Variants in ATAD3B observed in about 807,000 individuals in gnomAD.
ATAD3B encodes the protein ATPase family AAA domain containing 3B.
In ATAD3B, 59 loss-of-function variants were observed where a neutral mutation model predicts 70.2. That is an observed-to-expected ratio of 0.84 (90% confidence interval 0.68 to 1.04). The LOEUF is 1.04. Ranked by LOEUF, ATAD3B falls within the 50% of genes least tolerant of loss-of-function variation. The probability of loss-of-function intolerance (pLI) is 0.00; values close to 1 mark genes in which losing one functional copy is unlikely to be tolerated. For synonymous variants in ATAD3B, 423 were observed against 388.6 expected (o/e 1.09, Z -1.04); for missense variants, 961 against 913.4 (o/e 1.05, Z -0.67).
intron 15 of ATAD3B, among the ~76,000 whole-genome samples, chr1:1,493,410 C>T (rs1188359930): frequency 1.3e-5 from 2 of 151,876 alleles, no homozygotes; most frequent in Admixed American, 1.3e-4. Flanking sequence ...GCATGTTCTT[C>T]AATCCTGGTT....
At chr1:1,504,581 C>T in the ATAD3B span, among the ~76,000 whole-genome samples, 1 of 151,504 alleles carries the variant, frequency 6.6e-6, no homozygotes, top group Non-Finnish European at 1.5e-5. Context: ...ACCTGGGAGG[C>T]GGAGGTTGCG....
intron 15 of ATAD3B, among the ~76,000 whole-genome samples, chr1:1,494,378 C>A (rs1421486421): frequency 6.6e-6 from 1 of 151,886 alleles, no homozygotes; most frequent in Non-Finnish European, 1.5e-5. Context: ...CTTGGGTGGG[C>A]TCAAGACCAA....
chr1:1,490,595 G>C lies in ATAD3B; in HGVS notation c.1538G>C (p.Arg513Thr), dbSNP rs771609000. ...RLKLAQFDYG[R>T]KCSEVARLTE... ...AAGCTGGCCCAGTTTGACTACGGGA[G>C]GAAGTGCTCGGAGGTCGCTCGGCTG... is the stretch of plus-strand genomic sequence containing the variant. The change falls in exon 15 of 16, where the codon AGG becomes ACG. Residue 513 changes from arginine to threonine, a missense_variant. Transcript: ENST00000673477. 76 of 1,609,842 alleles carry C rather than the reference G, an allele frequency of 4.7e-5. 2 individuals carry two copies. The highest frequency in any genetic ancestry group is 6.3e-5 in the Non-Finnish European group (74 of 1,178,636).
chr1:1,490,443 C>G lies in ATAD3B; in HGVS notation c.1505+19C>G. ...GAAAACGGTGAGTGTCCCGCCTCACCCGGCCCCCAATCCAGGCACCATATG... is the reference window on the plus strand; with the variant it reads ...GAAAACGGTGAGTGTCCCGCCTCACGCGGCCCCCAATCCAGGCACCATATG... On this transcript the variant is annotated intron_variant, in intron 14 of 15. Transcript: ENST00000673477. 1 of 1,612,834 alleles carries G rather than the reference C, an allele frequency of 6.2e-7. No homozygotes were observed. Among genetic ancestry groups the G allele is most frequent in the Non-Finnish European group, 8.5e-7 (1 of 1,179,462 alleles).
Position 1,486,543 on chromosome 1 carries a change from G to C in ATAD3B, c.1090-1G>C. On this transcript the variant is annotated splice_acceptor_variant, in intron 10 of 15. Coordinates refer to ENST00000673477, the MANE Select transcript of ATAD3B (RefSeq NM_031921.6). LOFTEE classifies it high-confidence loss of function. ...TGTCTCCCCTCACTCTTCTTGTCCA[G>C]AAACTCGCCCTGCACTCAGGCATGG... is the stretch of plus-strand genomic sequence containing the variant. The C allele has an allele frequency of 6.2e-7, 1 of 1,612,078 alleles. No homozygotes were observed. Among genetic ancestry groups the C allele is most frequent in the East Asian group, 2.2e-5 (1 of 44,864 alleles).
downstream of ATAD3B, among the ~76,000 whole-genome samples, chr1:1,499,472 T>A (rs1328500203): frequency 6.6e-6 from 1 of 151,748 alleles, no homozygotes; most frequent in East Asian, 1.9e-4. Flanking sequence ...CCTGACCTCA[T>A]GATCCGCACT....
At chr1:1,498,122 G>T (rs1640846793), downstream of ATAD3B, among the ~76,000 whole-genome samples, 1 of 151,370 alleles carries the variant, frequency 6.6e-6, no homozygotes, top group Admixed American at 6.6e-5. Context: ...GGCCAATGTG[G>T]TGAAACCCCC....
In ATAD3B at chr1:1,482,568, A is replaced by G. The variant is rs777831795; in HGVS notation, c.704A>G (p.Glu235Gly). ...SIRTAGTLFG[E>G]GFRAFVTDRD... ...AGGACGGCTGGCACCTTGTTTGGGGAAGGATTCCGTGCCTTTGTGACAGAC... is the reference window on the plus strand; with the variant it reads ...AGGACGGCTGGCACCTTGTTTGGGGGAGGATTCCGTGCCTTTGTGACAGAC... Residue 235 changes from glutamate to glycine, a missense_variant, in exon 7 of 16, where the codon GAA becomes GGA. By Grantham distance (98) the Glu-to-Gly change is moderately conservative. Around this residue, in one of 4 missense-constraint regions of ATAD3B, gnomAD observed 349 missense variants for 307.5 expected, o/e 1.14. Transcript: ENST00000673477. 3 of 1,613,254 alleles carry G rather than the reference A, an allele frequency of 1.9e-6. No individual in the cohort carries two copies. Among genetic ancestry groups the G allele is most frequent in the African/African-American group, 1.3e-5 (1 of 74,946 alleles).
At chr1:1,500,752 G>A (rs1259190272), downstream of ATAD3B, among the ~76,000 whole-genome samples, 1 of 151,008 alleles carries the variant, frequency 6.6e-6, no homozygotes, top group Admixed American at 6.6e-5. Context: ...AGGAGATCGA[G>A]ACCATCCTGG....
chr1:1,483,396 G>A (rs1640027579), intron 7 of ATAD3B: 1 of 260,346 alleles, frequency 3.8e-6, no homozygotes, highest in Non-Finnish European at 7.6e-6. Flanking sequence ...GAACCCAGGA[G>A]GCGGAAGTTG....
In ATAD3B at chr1:1,497,002, A is replaced by G. The variant is rs1640816850; in HGVS notation, c.*1185A>G. ...GCACAGTGCCATGGCGCAGAGCCTC[A>G]TATTGGTCGATGAAACAATGCTTTC... On this transcript the variant is annotated 3_prime_UTR_variant, in exon 16 of 16. Transcript: ENST00000673477. The G allele has an allele frequency of 6.9e-6, 1 of 144,122 alleles. No individual in the cohort carries two copies. Among genetic ancestry groups the G allele is most frequent in the Non-Finnish European group, 1.5e-5 (1 of 67,686 alleles). The allele number at this position is 144,122 out of a possible 1,614,324, so 8.9% of individuals were successfully genotyped here.
chr1:1,490,610 T>C lies in ATAD3B; in HGVS notation c.1553T>C (p.Val518Ala), dbSNP rs1640490594. 6.2e-7 allele frequency: 1 copy of C among 1,607,978 alleles called. No individual in the cohort carries two copies. Among genetic ancestry groups the C allele is most frequent in the East Asian group, 2.2e-5 (1 of 44,662 alleles). Residue 518 changes from valine to alanine, a missense_variant, in exon 15 of 16, where the codon GTC becomes GCC. Around this residue, in one of 4 missense-constraint regions of ATAD3B, gnomAD observed 417 missense variants for 335.0 expected, o/e 1.24. Coordinates refer to ENST00000673477, the MANE Select transcript of ATAD3B (RefSeq NM_031921.6). ...GACTACGGGAGGAAGTGCTCGGAGG[T>C]CGCTCGGCTGACGGAGGGCATGTCG... Reference protein sequence around the residue: ...QFDYGRKCSEVARLTEGMSGR... With the variant: ...QFDYGRKCSEAARLTEGMSGR...
chr1:1,475,764 G>A (rs142091631), intron 1 of ATAD3B, among the ~76,000 whole-genome samples: 1,690 of 151,996 alleles, frequency 0.011, 33 homozygotes, highest in Non-Finnish European at 0.018. Context: ...ACACCAAAGT[G>A]GTGAATGATT....
chr1:1,492,619 A>G (rs1570275170), intron 15 of ATAD3B, among the ~76,000 whole-genome samples: 1 of 151,050 alleles, frequency 6.6e-6, no homozygotes, highest in Non-Finnish European at 1.5e-5. Context: ...GTGTGCCGAG[A>G]CCCCACCTCT....
intron 1 of ATAD3B, among the ~76,000 whole-genome samples, chr1:1,477,056 G>C (rs1352401726): frequency 6.6e-6 from 1 of 151,898 alleles, no homozygotes; most frequent in Non-Finnish European, 1.5e-5. Context: ...ACTCTGTCCA[G>C]CTGGAGTGCA....
chr1:1,496,181 A>C lies in ATAD3B; in HGVS notation c.*364A>C, dbSNP rs1419484637. ...GCTGGAGCTGGTGTGTGTTTATCTA[A>C]TAAAGTCCCACAGGTGCCTCACCGC... On this transcript the variant is annotated 3_prime_UTR_variant, in exon 16 of 16. Transcript: ENST00000673477. The C allele has an allele frequency of 1.9e-6, 2 of 1,033,846 alleles. No individual in the cohort carries two copies. Among genetic ancestry groups the C allele is most frequent in the Non-Finnish European group, 2.3e-6 (2 of 861,152 alleles). 64.0% of individuals were successfully genotyped at this position (1,033,846 alleles called of 1,614,324 possible). A position where few individuals can be genotyped will look rare whatever the true frequency, so the allele number is the denominator to read the frequency against.
intron 5 of ATAD3B, among the ~76,000 whole-genome samples, chr1:1,481,810 CCCTA>C (rs1639916832): frequency 6.6e-6 from 1 of 152,022 alleles, no homozygotes; most frequent in Non-Finnish European, 1.5e-5. Flanking sequence ...GTGGCGCTGT[CCCTA>C]CCAAGGTCTG....
intron 1 of ATAD3B, among the ~76,000 whole-genome samples, chr1:1,474,619 C>A (rs1639501198): frequency 6.6e-6 from 1 of 152,060 alleles, no homozygotes; most frequent in African/African-American, 2.4e-5. Context: ...CCTGCCTCAG[C>A]CTCCCGAGTA....
rs1408417932 is a variant in ATAD3B at position 1,472,040 on chromosome 1, C to A, written c.156C>A (p.Pro52=). ...AGGACAAATGGAGCAACTTCGACCC[C>A]ACCGGCCTGGAGCGCGCCGCCAAGG... ...APKDKWSNFD[P]TGLERAAKAA... is the part of the protein sequence containing the mutation. The change falls in exon 1 of 16, where the codon CCC becomes CCA. Residue 52 remains proline (P), a synonymous_variant. Transcript: ENST00000673477. 1.1e-5 allele frequency: 14 copies of A among 1,233,152 alleles called. No homozygotes were observed. The highest frequency in any genetic ancestry group is 3.2e-4 in the Middle Eastern group (1 of 3,142). 76.4% of individuals were successfully genotyped at this position (1,233,152 alleles called of 1,614,324 possible).
Sources: allele counts gnomAD v4.1 joint callset (sites outside exome capture counted in the v4.1 genomes callset), GRCh38; gene constraint gnomAD v4.1.1; regional missense constraint gnomAD v4.1.1; transcripts MANE v1.5; gene names NCBI Gene and HGNC (gene_info 2026-07-23, HGNC 2026-07-21).